The following FBXL17 variants were observed in gnomAD, a reference collection of about 807,000 sequenced individuals.
The protein encoded by FBXL17 is F-box/LRR-repeat protein 17.
Under a neutral mutation model 66.2 loss-of-function variants are expected in FBXL17, and 22 were observed. That is an observed-to-expected ratio of 0.33 (90% CI 0.24 to 0.47). The LOEUF (loss-of-function observed/expected upper bound fraction) is 0.47. Ranked by LOEUF, FBXL17 falls within the 20% of genes least tolerant of loss-of-function variation. FBXL17 has a pLI of 1.00. For synonymous variants in FBXL17, 474 were observed against 400.5 expected, an observed-to-expected ratio of 1.18 and a Z score of -2.19; for missense variants, 878 against 948.2, an observed-to-expected ratio of 0.93 and a Z score of 0.97.
intron 3 of FBXL17, among the ~76,000 whole-genome samples, chr5:108,359,193 T>TC (rs1170946718): frequency 5.9e-5 from 9 of 152,134 alleles, no homozygotes; most frequent in Admixed American, 6.6e-5. Context: ...ATAATTTGAG[T>TC]CTTTTTTCTT....
At chr5:108,278,221 T>G (rs1413667401) in intron 4 of FBXL17, among the ~76,000 whole-genome samples, 1 of 152,070 alleles carries the variant, frequency 6.6e-6, no homozygotes, top group African/African-American at 2.4e-5. Flanking sequence ...CAAATCTAAC[T>G]TACAGAGTGG....
At chr5:108,145,424 A>G (rs1205747498) in intron 6 of FBXL17, among the ~76,000 whole-genome samples, 1 of 152,172 alleles carries the variant, frequency 6.6e-6, no homozygotes, top group Non-Finnish European at 1.5e-5. Flanking sequence ...ATAAAATCCA[A>G]CACCAGATAG....
At chr5:108,286,550 A>G (rs1757908607) in intron 4 of FBXL17, among the ~76,000 whole-genome samples, 1 of 152,028 alleles carries the variant, frequency 6.6e-6, no homozygotes, top group Non-Finnish European at 1.5e-5. Context: ...AGTAGCCACA[A>G]AAAAGAATAA....
intron 5 of FBXL17, among the ~76,000 whole-genome samples, chr5:108,211,512 G>T (rs1754370167): frequency 6.6e-6 from 1 of 152,140 alleles, no homozygotes; most frequent in Non-Finnish European, 1.5e-5. Context: ...CTGTTGTAAC[G>T]CAGGCCTGGT....
At chr5:108,281,914 A>G (rs1757716947) in intron 4 of FBXL17, among the ~76,000 whole-genome samples, 1 of 151,834 alleles carries the variant, frequency 6.6e-6, no homozygotes, top group African/African-American at 2.4e-5. Context: ...ACCCAGAGGA[A>G]ATGGATAAAT....
chr5:107,986,099 T>C (rs1457012412), intron 7 of FBXL17, among the ~76,000 whole-genome samples: 1 of 152,136 alleles, frequency 6.6e-6, no homozygotes, highest in African/African-American at 2.4e-5. Flanking sequence ...ATCTATTAGA[T>C]TATCAGTAAT....
chr5:108,333,148 G>GTGTA (rs1554089378), intron 4 of FBXL17, among the ~76,000 whole-genome samples: 2 of 136,570 alleles, frequency 1.5e-5, no homozygotes, highest in East Asian at 4.0e-4. Context: ...AGAAATACCA[G>GTGTA]TATATATATA....
At chr5:108,132,645 T>C (rs555318916) in intron 6 of FBXL17, among the ~76,000 whole-genome samples, 1 of 152,216 alleles carries the variant, frequency 6.6e-6, no homozygotes, top group East Asian at 1.9e-4. Context: ...TACAAAAATG[T>C]CTGCATTTCA....
chr5:107,979,436 C>T (rs1049347230), intron 7 of FBXL17, among the ~76,000 whole-genome samples: 1 of 152,194 alleles, frequency 6.6e-6, no homozygotes, highest in South Asian at 2.1e-4. Context: ...AAACATCCAC[C>T]TACCCATTAG....
At chr5:107,872,424 C>T (rs1401554150) in intron 8 of FBXL17, among the ~76,000 whole-genome samples, 1 of 152,220 alleles carries the variant, frequency 6.6e-6, no homozygotes, top group Non-Finnish European at 1.5e-5. Context: ...GCAGTGGGAT[C>T]TGACGGTTTT....
intron 8 of FBXL17, among the ~76,000 whole-genome samples, chr5:107,871,119 C>T (rs939312864): frequency 2.9e-5 from 4 of 136,590 alleles, no homozygotes; most frequent in Non-Finnish European, 4.7e-5. Context: ...AAGACAGATA[C>T]TGAGAATGCA....
chr5:108,318,568 T>C (rs1561526394), intron 4 of FBXL17, among the ~76,000 whole-genome samples: 1 of 151,916 alleles, frequency 6.6e-6, no homozygotes, highest in Non-Finnish European at 1.5e-5. Context: ...TCACTATTTG[T>C]ATATAATTTC....
intron 6 of FBXL17, among the ~76,000 whole-genome samples, chr5:108,055,133 C>A (rs1747636561): frequency 6.6e-6 from 1 of 151,440 alleles, no homozygotes; most frequent in South Asian, 2.1e-4. Flanking sequence ...TTTTTAAATT[C>A]AATATTGTTC....
At chr5:107,926,377 T>C (rs1750524664) in intron 7 of FBXL17, among the ~76,000 whole-genome samples, 2 of 152,132 alleles carry the variant, frequency 1.3e-5, no homozygotes, top group Non-Finnish European at 2.9e-5. Flanking sequence ...GTAGGGCTGC[T>C]AACATATTTG....
chr5:108,293,103 A>C (rs908641132), intron 4 of FBXL17, among the ~76,000 whole-genome samples: 3 of 151,522 alleles, frequency 2.0e-5, no homozygotes, highest in African/African-American at 4.8e-5. Flanking sequence ...AAAAACAAAA[A>C]AAAAAAAACA....
intron 4 of FBXL17, among the ~76,000 whole-genome samples, chr5:108,307,174 T>C (rs529906713): frequency 2.0e-5 from 3 of 152,256 alleles, no homozygotes; most frequent in Admixed American, 6.5e-5. Context: ...ATTATATTGA[T>C]ATATATTCTC....
At chr5:108,156,676 T>C (rs866257796) in intron 6 of FBXL17, among the ~76,000 whole-genome samples, 1 of 151,980 alleles carries the variant, frequency 6.6e-6, no homozygotes, top group African/African-American at 2.4e-5. Context: ...GTTTTCATCT[T>C]ATTTCATAAA....
intron 7 of FBXL17, among the ~76,000 whole-genome samples, chr5:107,895,245 G>C (rs1437946696): frequency 6.6e-6 from 1 of 151,912 alleles, no homozygotes; most frequent in Non-Finnish European, 1.5e-5. Context: ...TATTCCCTAA[G>C]TTCTTGTATG....
At chr5:108,129,585 A>C (rs1051972728) in intron 6 of FBXL17, among the ~76,000 whole-genome samples, 1 of 152,042 alleles carries the variant, frequency 6.6e-6, no homozygotes, top group African/African-American at 2.4e-5. Flanking sequence ...AAAGACTTCA[A>C]GAATCATTTT....
Sources: allele counts gnomAD v4.1 joint callset (sites outside exome capture counted in the v4.1 genomes callset), GRCh38; gene constraint gnomAD v4.1.1; transcripts MANE v1.5; gene names NCBI Gene and HGNC (gene_info 2026-07-23, HGNC 2026-07-21).